DMRTA1: variants seen among roughly 807,000 people sequenced by gnomAD.
The protein encoded by DMRTA1 is DMRT like family A1.
A neutral mutation model predicts 35.2 loss-of-function variants in DMRTA1; 34 were observed. That is an observed-to-expected ratio of 0.97 (90% CI 0.74 to 1.29). The LOEUF (loss-of-function observed/expected upper bound fraction) is 1.29. DMRTA1 is among the 50% of genes most tolerant of loss of function. The pLI is 0.00. For synonymous variants in DMRTA1, 344 were observed against 276.6 expected (o/e 1.24, Z -2.42); for missense variants, 824 against 644.6 (o/e 1.28, Z -3.01).
In DMRTA1 at chr9:22,451,965, G is replaced by T. The variant is rs1013735532; in HGVS notation, c.*54G>T. On this transcript the variant is annotated 3_prime_UTR_variant, in exon 2 of 2. Coordinates refer to ENST00000325870, the MANE Select transcript of DMRTA1 (RefSeq NM_022160.3). Reference sequence around the variant, plus strand: ...TTTTTCCAGCATACAATACATGCACGTGCACACACATACACACACATCCAT... The same window carrying T: ...TTTTTCCAGCATACAATACATGCACTTGCACACACATACACACACATCCAT... 3.7e-5 allele frequency: 58 copies of T among 1,581,194 alleles called. No individual in the cohort carries two copies. In the African/African-American group the frequency reaches 7.4e-4, roughly 20 times the overall value.
At position 22,453,685 on chromosome 9, in the gene DMRTA1, C is replaced by A. The variant is rs1044782035; in HGVS notation, c.*1774C>A. The A allele has an allele frequency of 1.3e-5, 2 of 152,010 alleles. No individual in the cohort carries two copies. The highest frequency in any genetic ancestry group is 4.8e-5 in the African/African-American group (2 of 41,422). 9.4% of individuals were successfully genotyped at this position (152,010 alleles called of 1,614,324 possible). ...TTGAGACTCTGATAAAACTGAAGAA[C>A]TCTACAAAATGGCGTACAGACACAC... On this transcript the variant is annotated 3_prime_UTR_variant, in exon 2 of 2. Coordinates refer to ENST00000325870, the MANE Select transcript of DMRTA1 (RefSeq NM_022160.3).
In DMRTA1 at chr9:22,447,380, G is replaced by A; in HGVS notation, c.315G>A (p.Val105=). Residue 105 remains valine (V), a synonymous_variant, in exon 1 of 2, where the codon GTG becomes GTA. Coordinates refer to ENST00000325870, the MANE Select transcript of DMRTA1 (RefSeq NM_022160.3). ...GCGCCCGCTGTCGTAACCATGGTGT[G>A]GTGTCAGCGCTCAAGGGCCACAAGC... is the stretch of plus-strand genomic sequence containing the variant. ...PKCARCRNHG[V]VSALKGHKRF... 1 of 1,551,980 alleles carries A rather than the reference G, an allele frequency of 6.4e-7. No homozygotes were observed. The highest frequency in any genetic ancestry group is 8.7e-7 in the Non-Finnish European group (1 of 1,151,600).
chr9:22,451,300 T>A lies in DMRTA1; in HGVS notation c.904T>A (p.Ser302Thr). 6.2e-7 allele frequency: 1 copy of A among 1,614,118 alleles called. No individual in the cohort carries two copies. Residue 302 changes from serine (S) to threonine (T), a missense_variant, in exon 2 of 2, where the codon TCA (serine) becomes ACA (threonine). Transcript: ENST00000325870. ...GTCCTTATCATCCTCTGATCTGGAATCAGGAAATGAAAGTGAATGGGTCAA... is the reference window on the plus strand; with the variant it reads ...GTCCTTATCATCCTCTGATCTGGAAACAGGAAATGAAAGTGAATGGGTCAA... ...PRSLSSSDLE[S>T]GNESEWVKDL...
chr9:22,451,235 C>G lies in DMRTA1; in HGVS notation c.839C>G (p.Pro280Arg). Residue 280 changes from proline (P) to arginine (R), a missense_variant, in exon 2 of 2, where the codon CCT (proline) becomes CGT (arginine). Pro to Arg is a moderately radical substitution (Grantham distance 103). Transcript: ENST00000325870. ...AACAAGCCTGATAGTATCCTGTCTC[C>G]TCATCCTGGAGAGCAATCAGGAGGT... is the stretch of plus-strand genomic sequence containing the variant. ...YSNKPDSILS[P>R]HPGEQSGGEE... The G allele has an allele frequency of 6.2e-7, 1 of 1,614,108 alleles. No individual in the cohort carries two copies. Among genetic ancestry groups the G allele is most frequent in the Non-Finnish European group, 8.5e-7 (1 of 1,179,968 alleles).
Position 22,447,548 on chromosome 9 carries a change from C to G in DMRTA1, c.483C>G (p.Cys161Trp). Residue 161 changes from cysteine (C) to tryptophan (W), a missense_variant, in exon 1 of 2, where the codon TGC (cysteine) becomes TGG (tryptophan). By Grantham distance (215) the Cys-to-Trp change is radical (BLOSUM62 -2). Coordinates refer to ENST00000325870, the MANE Select transcript of DMRTA1 (RefSeq NM_022160.3). ...CCCGGGGGCTACAGAGGCTCCTGTG[C>G]TCGGGGCTCTCCTGGCCCCCCGGTG... ...SEARGLQRLL[C>W]SGLSWPPGGR... The G allele has an allele frequency of 1.3e-6, 2 of 1,589,636 alleles. No homozygotes were observed. The highest frequency in any genetic ancestry group is 1.7e-6 in the Non-Finnish European group (2 of 1,168,544).
In DMRTA1 at chr9:22,447,354, T is replaced by G. The variant is rs761697575; in HGVS notation, c.289T>G (p.Cys97Gly). ...CTGCGGCTACCCGCGGACGCCCAAG[T>G]GCGCCCGCTGTCGTAACCATGGTGT... The part of the protein sequence containing the change: ...VGCGYPRTPK[C>G]ARCRNHGVVS... Residue 97 changes from cysteine to glycine, a missense_variant, in exon 1 of 2, where the codon TGC becomes GGC. Cys to Gly is a radical substitution (Grantham distance 159). Coordinates refer to ENST00000325870, the MANE Select transcript of DMRTA1 (RefSeq NM_022160.3). 2 of 1,535,216 alleles carry G rather than the reference T, an allele frequency of 1.3e-6. No homozygotes were observed. The highest frequency in any genetic ancestry group is 1.4e-5 in the African/African-American group (1 of 69,520).
intron 1 of DMRTA1, 112 bp from the exon 2 acceptor site, chr9:22,450,952 C>A: frequency 9.3e-7 from 1 of 1,077,036 alleles, no homozygotes. Flanking sequence ...ATAAATATTA[C>A]TAATTAATAG....
Position 22,451,438 on chromosome 9 carries a change from A to T in DMRTA1, c.1042A>T (p.Ile348Phe). 1.9e-6 allele frequency: 3 copies of T among 1,614,204 alleles called. No homozygotes were observed. In the South Asian group the frequency reaches 3.3e-5, roughly 18 times the overall value. Residue 348 changes from isoleucine (I) to phenylalanine (F), a missense_variant, in exon 2 of 2, where the codon ATT (isoleucine) becomes TTT (phenylalanine). Coordinates refer to ENST00000325870, the MANE Select transcript of DMRTA1 (RefSeq NM_022160.3). ...PNYRRSRLEG[I>F]LRFCKGDVVQ... ...TTACAGGCGCAGCCGGCTAGAAGGC[A>T]TTCTACGGTTCTGCAAAGGGGATGT...
At position 22,455,404 on chromosome 9, in the gene DMRTA1, C is replaced by T. The variant is rs950669326; in HGVS notation, c.*3493C>T. On this transcript the variant is annotated 3_prime_UTR_variant, in exon 2 of 2. Coordinates refer to ENST00000325870, the MANE Select transcript of DMRTA1 (RefSeq NM_022160.3). ...GTAATAATATTTAACTTGCAAGATT[C>T]GTGGAGATAAAAGCTTAAATAAACG... The T allele has an allele frequency of 3.3e-5, 5 of 152,134 alleles. No individual in the cohort carries two copies. Among genetic ancestry groups the T allele is most frequent in the East Asian group, 1.9e-4 (1 of 5,188 alleles). 9.4% of individuals were successfully genotyped at this position (152,134 alleles called of 1,614,324 possible). A position where few individuals can be genotyped will look rare whatever the true frequency, so the allele number is the denominator to read the frequency against.
rs752784700 is a variant in DMRTA1 at position 22,447,584 on chromosome 9, C to A, written c.519C>A (p.Ser173=). The part of the protein sequence containing the change: ...GLSWPPGGRA[S]GGGGRAENPQ... The stretch of plus-strand genomic sequence containing the variant: ...CCTGGCCCCCCGGTGGTCGGGCATC[C>A]GGGGGCGGCGGCAGAGCCGAGAATC... The change falls in exon 1 of 2, where the codon TCC becomes TCA. Residue 173 remains serine (S), a synonymous_variant. Transcript: ENST00000325870. The A allele has an allele frequency of 6.2e-7, 1 of 1,601,328 alleles. No homozygotes were observed. The highest frequency in any genetic ancestry group is 1.3e-5 in the African/African-American group (1 of 74,414).
At position 22,453,611 on chromosome 9, in the gene DMRTA1, T is replaced by C. The variant is rs892968115; in HGVS notation, c.*1700T>C. The C allele has an allele frequency of 1.3e-5, 2 of 152,094 alleles. No individual in the cohort carries two copies. Among genetic ancestry groups the C allele is most frequent in the Non-Finnish European group, 2.9e-5 (2 of 67,940 alleles). The allele number at this position is 152,094 out of a possible 1,614,324, so 9.4% of individuals were successfully genotyped here. On this transcript the variant is annotated 3_prime_UTR_variant, in exon 2 of 2. Coordinates refer to ENST00000325870, the MANE Select transcript of DMRTA1 (RefSeq NM_022160.3). ...TACAATGTCTAGCAAGTAGTTGAAA[T>C]TCAATTCATATATACTGAGTAAGAA...
chr9:22,449,092 C>A (rs1389289741), intron 1 of DMRTA1, among the ~76,000 whole-genome samples: 1 of 152,132 alleles, frequency 6.6e-6, no homozygotes, highest in Non-Finnish European at 1.5e-5. Context: ...TTACTTTGTT[C>A]TTTGCCTCAG....
At position 22,451,710 on chromosome 9, in the gene DMRTA1, G is replaced by C. The variant is rs1255608234; in HGVS notation, c.1314G>C (p.Arg438Ser). The change falls in exon 2 of 2, where the codon AGG becomes AGC. Residue 438 changes from arginine to serine, a missense_variant. By Grantham distance (110) the Arg-to-Ser change is moderately radical. Transcript: ENST00000325870. Reference sequence around the variant, plus strand: ...CTAGAGTAGGTATCAGTCCATTAAGGCTGGCATATTCTTCTGCAGGAAGAG... The same window carrying C: ...CTAGAGTAGGTATCAGTCCATTAAGCCTGGCATATTCTTCTGCAGGAAGAG... ...VNPRVGISPL[R>S]LAYSSAGRGL... 3 of 1,614,094 alleles carry C rather than the reference G, an allele frequency of 1.9e-6. No homozygotes were observed. The highest frequency in any genetic ancestry group is 3.3e-5 in the Admixed American group (2 of 60,024).
In DMRTA1 at chr9:22,447,451, T is replaced by A; in HGVS notation, c.386T>A (p.Ile129Asn). 6.4e-7 allele frequency: 1 copy of A among 1,553,342 alleles called. No individual in the cohort carries two copies. Among genetic ancestry groups the A allele is most frequent in the Non-Finnish European group, 8.7e-7 (1 of 1,150,304 alleles). ...TGCGCGTGTGCCAAGTGCACCCTGATCGCCGAGCGCCAGCGCGTCATGGCC... is the reference window on the plus strand; with the variant it reads ...TGCGCGTGTGCCAAGTGCACCCTGAACGCCGAGCGCCAGCGCGTCATGGCC... ...RDCACAKCTLIAERQRVMAAQ... is the reference protein window; with the variant it reads ...RDCACAKCTLNAERQRVMAAQ... The change falls in exon 1 of 2, where the codon ATC (isoleucine) becomes AAC (asparagine). Residue 129 changes from isoleucine (I) to asparagine (N), a missense_variant. Coordinates refer to ENST00000325870, the MANE Select transcript of DMRTA1 (RefSeq NM_022160.3).
chr9:22,447,442 G>T lies in DMRTA1; in HGVS notation c.377G>T (p.Cys126Phe). ...CRWRDCACAKCTLIAERQRVM... is the reference protein window; with the variant it reads ...CRWRDCACAKFTLIAERQRVM... ...TGGCGGGACTGCGCGTGTGCCAAGT[G>T]CACCCTGATCGCCGAGCGCCAGCGC... The change falls in exon 1 of 2, where the codon TGC (cysteine) becomes TTC (phenylalanine). Residue 126 changes from cysteine to phenylalanine, a missense_variant. By Grantham distance (205) the Cys-to-Phe change is radical (BLOSUM62 -2). Coordinates refer to ENST00000325870, the MANE Select transcript of DMRTA1 (RefSeq NM_022160.3). 3 of 1,553,666 alleles carry T rather than the reference G, an allele frequency of 1.9e-6. No individual in the cohort carries two copies. Among genetic ancestry groups the T allele is most frequent in the Non-Finnish European group, 1.7e-6 (2 of 1,150,510 alleles).
In DMRTA1 at chr9:22,453,275, G is replaced by A. The variant is rs989621486; in HGVS notation, c.*1364G>A. 7.2e-5 allele frequency: 11 copies of A among 152,012 alleles called. No individual in the cohort carries two copies. Among genetic ancestry groups the A allele is most frequent in the African/African-American group, 1.4e-4 (6 of 41,398 alleles). 9.4% of individuals were successfully genotyped at this position (152,012 alleles called of 1,614,324 possible). Reference sequence around the variant, plus strand: ...GATTTTTTAAATTATATGTATATACGTATGTGTGTATGCATCTATATGCAC... The same window carrying A: ...GATTTTTTAAATTATATGTATATACATATGTGTGTATGCATCTATATGCAC... On this transcript the variant is annotated 3_prime_UTR_variant, in exon 2 of 2. Transcript: ENST00000325870.
rs542709214 is a variant in DMRTA1, at chr9:22,453,873, G to A, written c.*1962G>A. ...TAGAGGATACTGAATGTAAAATATT[G>A]TGCTCTAAAGGAAGTTACATTATAC... is the stretch of plus-strand genomic sequence containing the variant. On this transcript the variant is annotated 3_prime_UTR_variant, in exon 2 of 2. Coordinates refer to ENST00000325870, the MANE Select transcript of DMRTA1 (RefSeq NM_022160.3). 1.4e-4 allele frequency: 21 copies of A among 151,922 alleles called. No homozygotes were observed. The highest frequency in any genetic ancestry group is 4.8e-4 in the African/African-American group (20 of 41,452). The allele number at this position is 151,922 out of a possible 1,614,324, so 9.4% of individuals were successfully genotyped here.
Position 22,449,587 on chromosome 9 carries a change from C to T in DMRTA1, c.668-1477C>T, listed in dbSNP as rs147544445. Among the ~76,000 whole-genome samples, 1,175 of 152,186 alleles carry T rather than the reference C, an allele frequency of 7.7e-3. 14 individuals are homozygous for T. Among genetic ancestry groups the T allele is most frequent in the African/African-American group, 0.026 (1,072 of 41,546 alleles). On this transcript the variant is annotated intron_variant, in intron 1 of 1. Coordinates refer to ENST00000325870, the MANE Select transcript of DMRTA1 (RefSeq NM_022160.3). ...TAATTGACATGTTCGGGGGCATGCT[C>T]ATTCATATTTACAAGTAAAGTGGAA... is the stretch of plus-strand genomic sequence containing the variant.
Position 22,451,701 on chromosome 9 carries a change from T to C in DMRTA1, c.1305T>C (p.Ser435=), listed in dbSNP as rs199903006. The change falls in exon 2 of 2, where the codon AGT becomes AGC. Residue 435 remains serine, a synonymous_variant. Transcript: ENST00000325870. The part of the protein sequence containing the change: ...LYGVNPRVGI[S]PLRLAYSSAG... ...GCGTAAATCCTAGAGTAGGTATCAGTCCATTAAGGCTGGCATATTCTTCTG... is the reference window on the plus strand; with the variant it reads ...GCGTAAATCCTAGAGTAGGTATCAGCCCATTAAGGCTGGCATATTCTTCTG... 28 of 1,614,010 alleles carry C rather than the reference T, an allele frequency of 1.7e-5. No homozygotes were observed. The highest frequency in any genetic ancestry group is 2.1e-5 in the Non-Finnish European group (25 of 1,179,962).
Sources: allele counts gnomAD v4.1 joint callset (sites outside exome capture counted in the v4.1 genomes callset), GRCh38; gene constraint gnomAD v4.1.1; transcripts MANE v1.5; gene names NCBI Gene and HGNC (gene_info 2026-07-23, HGNC 2026-07-21).